The following TEX2 variants were observed in gnomAD, a reference collection of about 807,000 sequenced individuals.
TEX2 encodes testis expressed 2.
A neutral mutation model predicts 106.9 loss-of-function variants in TEX2; 53 were observed. The ratio of observed to expected loss-of-function variants is 0.50; its 90% CI spans 0.40 to 0.62. The LOEUF is 0.62. Among genes scored for constraint, TEX2 ranks in the 20% least tolerant of loss-of-function variants. The pLI is 0.00. For synonymous variants in TEX2, 523 were observed against 534.8 expected, an observed-to-expected ratio of 0.98 and a Z score of 0.30; for missense variants, 1,207 against 1,379.0, an observed-to-expected ratio of 0.88 and a Z score of 1.98.
At chr17:64,234,867 T>C (rs1308199694) in intron 1 of TEX2, among the ~76,000 whole-genome samples, 2 of 152,244 alleles carry the variant, frequency 1.3e-5, no homozygotes, top group African/African-American at 4.8e-5. Context: ...ACAATGGTTA[T>C]TTATTTCTTC....
At chr17:64,214,772 T>C (rs1247019495) in intron 1 of TEX2, among the ~76,000 whole-genome samples, 1 of 152,214 alleles carries the variant, frequency 6.6e-6, no homozygotes, top group African/African-American at 2.4e-5. Context: ...CTTCCTGCTA[T>C]TGCAAGTAAG....
Position 64,154,878 on chromosome 17 carries a change from C to A in TEX2, c.2894G>T (p.Ser965Ile), listed in dbSNP as rs1385598398. Reference sequence around the variant, plus strand: ...TGGGAGGAGCTGTTTGTCTCCCCCGCTGGGCTCTGGGGCATCGTCTTCCTC... The same window carrying A: ...TGGGAGGAGCTGTTTGTCTCCCCCGATGGGCTCTGGGGCATCGTCTTCCTC... Reference protein sequence around the residue: ...SSEEDDAPEPSGGDKQLLPGA... With the variant: ...SSEEDDAPEPIGGDKQLLPGA... Residue 965 changes from serine to isoleucine, a missense_variant, in exon 9 of 12, where the codon AGC becomes ATC. By Grantham distance (142) the Ser-to-Ile change is moderately radical. Coordinates refer to ENST00000584379, the MANE Select transcript of TEX2 (RefSeq NM_001288732.2). 57 of 1,608,912 alleles carry A rather than the reference C, an allele frequency of 3.5e-5. No homozygotes were observed. Among genetic ancestry groups the A allele is most frequent in the Non-Finnish European group, 4.1e-5 (48 of 1,178,228 alleles).
chr17:64,161,257 T>C (rs932694515), intron 7 of TEX2, among the ~76,000 whole-genome samples: 4 of 152,220 alleles, frequency 2.6e-5, no homozygotes, highest in African/African-American at 7.2e-5. Context: ...AGAAGACATA[T>C]GCCTAGCGGA....
Position 64,171,055 on chromosome 17 carries a change from A to G in TEX2, c.2671+45T>C, listed in dbSNP as rs1198247366. 2.0e-6 allele frequency: 3 copies of G among 1,489,214 alleles called. No individual in the cohort carries two copies. The East Asian group carries it at 6.8e-5, about 34-fold the overall frequency. The allele number at this position is 1,489,214 out of a possible 1,614,324, so 92.3% of individuals were successfully genotyped here. On this transcript the variant is annotated intron_variant, in intron 7 of 11. Coordinates refer to ENST00000584379, the MANE Select transcript of TEX2 (RefSeq NM_001288732.2). ...GCCATCATGGTACTGAATCTGCAGC[A>G]AAGGATATATTTTAACACTCATAGA...
At chr17:64,155,318 AC>A (rs1306157802) in intron 8 of TEX2, 1 of 186,682 alleles carries the variant, frequency 5.4e-6, no homozygotes, top group African/African-American at 2.3e-5. Flanking sequence ...GCGGAGCCAC[AC>A]GGGAGGATGA....
rs118101787 is a variant in TEX2 at position 64,206,539 on chromosome 17, T to C, written c.1644+6035A>G. The stretch of plus-strand genomic sequence containing the variant: ...ACTTTGTGACAGCTCTTTGGCCACA[T>C]AGAGGTCTTACTTTTTTTTTTTTTT... On this transcript the variant is annotated intron_variant, in intron 2 of 11. Coordinates refer to ENST00000584379, the MANE Select transcript of TEX2 (RefSeq NM_001288732.2). 4.1e-3 allele frequency among the ~76,000 whole-genome samples: 605 copies of C among 146,892 alleles called. 3 individuals carry two copies. Among genetic ancestry groups the C allele is most frequent in the Non-Finnish European group, 6.1e-3 (408 of 67,006 alleles).
chr17:64,168,525 CTT>C (rs2031243443), intron 7 of TEX2, among the ~76,000 whole-genome samples: 1 of 152,168 alleles, frequency 6.6e-6, no homozygotes, highest in Non-Finnish European at 1.5e-5. Context: ...AAGCTTGACA[CTT>C]AGGTGTTTGG....
intron 1 of TEX2, among the ~76,000 whole-genome samples, chr17:64,225,182 T>A (rs2033471394): frequency 6.6e-6 from 1 of 151,834 alleles, no homozygotes; most frequent in Non-Finnish European, 1.5e-5. Context: ...CTGGGCACAG[T>A]GGCTCAAGCC....
In TEX2 at chr17:64,154,819, C is replaced by A. The variant is rs750725949; in HGVS notation, c.2930+23G>T. The A allele has an allele frequency of 6.4e-6, 10 of 1,554,854 alleles. No individual in the cohort carries two copies. In the African/African-American group the frequency reaches 1.2e-4, roughly 19 times the overall value. On this transcript the variant is annotated intron_variant, in intron 9 of 11. Coordinates refer to ENST00000584379, the MANE Select transcript of TEX2 (RefSeq NM_001288732.2). ...GTCCTGATCCCTGGAGACTCAGAGG[C>A]ACAGAAGCACTGATCCACTCACCCT... is the stretch of plus-strand genomic sequence containing the variant.
chr17:64,215,112 G>T (rs998215619), intron 1 of TEX2, among the ~76,000 whole-genome samples: 2 of 152,194 alleles, frequency 1.3e-5, no homozygotes, highest in African/African-American at 4.8e-5. Flanking sequence ...AGCTTAGCTG[G>T]AACGAAGTCA....
At chr17:64,210,314 C>T (rs1385490946) in intron 2 of TEX2, among the ~76,000 whole-genome samples, 1 of 151,970 alleles carries the variant, frequency 6.6e-6, no homozygotes, top group Non-Finnish European at 1.5e-5. Context: ...TAACATATTG[C>T]CATGTGAAAG....
intron 3 of TEX2, among the ~76,000 whole-genome samples, chr17:64,194,136 A>ATT (rs1801430773): frequency 6.6e-6 from 1 of 152,178 alleles, no homozygotes; most frequent in Non-Finnish European, 1.5e-5. Flanking sequence ...AATATCCGTA[A>ATT]TTTTCAGGTG....
intron 2 of TEX2, among the ~76,000 whole-genome samples, chr17:64,204,723 C>T (rs1555630566): frequency 2.0e-5 from 3 of 152,182 alleles, no homozygotes; most frequent in Non-Finnish European, 4.4e-5. Flanking sequence ...CAGCAAACCT[C>T]TTCTTAACGG....
In TEX2 at chr17:64,153,201, T is replaced by C. The variant is rs1422449342; in HGVS notation, c.2931-47A>G. On this transcript the variant is annotated intron_variant, in intron 9 of 11. Transcript: ENST00000584379. This position sits in a 1 kb window ranked among gnomAD's most constrained non-coding sequence, Gnocchi z 4.1. ...GGCGGTTAGCACAAACTTTGCTCTT[T>C]TCACAGACAAAAACCTGTGGCTCTT... 1.5e-6 allele frequency: 2 copies of C among 1,370,590 alleles called. No homozygotes were observed. The highest frequency in any genetic ancestry group is 2.1e-6 in the Non-Finnish European group (2 of 974,292). 84.9% of individuals were successfully genotyped at this position (1,370,590 alleles called of 1,614,324 possible).
chr17:64,161,260 C>T (rs771353586), intron 7 of TEX2, among the ~76,000 whole-genome samples: 20 of 152,326 alleles, frequency 1.3e-4, no homozygotes, highest in Non-Finnish European at 2.4e-4. Context: ...AGACATATGC[C>T]TAGCGGAAGA....
At chr17:64,237,002 TAG>T (rs1186254631) in intron 1 of TEX2, among the ~76,000 whole-genome samples, 3 of 152,048 alleles carry the variant, frequency 2.0e-5, no homozygotes, top group Middle Eastern at 3.2e-3. Context: ...TCAGGGAGCT[TAG>T]AGAGGGGTGA....
At chr17:64,253,018 G>A (rs782150430) in intron 1 of TEX2, among the ~76,000 whole-genome samples, 7 of 152,226 alleles carry the variant, frequency 4.6e-5, no homozygotes, top group Non-Finnish European at 8.8e-5. Flanking sequence ...AGAGGCCCAG[G>A]CTGGAGAAGG....
At chr17:64,184,554 T>C (rs1218800402) in intron 5 of TEX2, among the ~76,000 whole-genome samples, 2 of 152,248 alleles carry the variant, frequency 1.3e-5, no homozygotes. Flanking sequence ...GGTTATCTTT[T>C]CACTGTCTTG....
intron 8 of TEX2, 37 bp downstream of exon 8, chr17:64,160,764 C>T: frequency 6.2e-7 from 1 of 1,608,990 alleles, no homozygotes; most frequent in African/African-American, 1.3e-5. Flanking sequence ...GCTGGTGCCC[C>T]AGGATTGGAT....
Sources: gnomAD v4.1 joint callset for allele counts (sites outside exome capture counted in the v4.1 genomes callset) on GRCh38, gnomAD v4.1.1 for gene constraint, Gnocchi (gnomAD v3.1) non-coding constraint, MANE v1.5 for transcripts, NCBI Gene and HGNC (gene_info 2026-07-23, HGNC 2026-07-21) for gene names.